The following ESRRG variants were observed in gnomAD, a reference collection of about 807,000 sequenced individuals.
ESRRG encodes the protein estrogen related receptor gamma.
Under a neutral mutation model 44.0 loss-of-function variants are expected in ESRRG, and 13 were observed. The observed-to-expected ratio is 0.30, with a 90% CI of 0.19 to 0.47. The LOEUF (loss-of-function observed/expected upper bound fraction) is 0.47. ESRRG is among the 20% of genes least tolerant of loss of function. The probability of loss-of-function intolerance (pLI) is 1.00; values close to 1 mark genes in which losing one functional copy is unlikely to be tolerated. For missense variants in ESRRG, 395 were observed against 580.6 expected (o/e 0.68, Z 3.29); for synonymous variants, 215 against 214.6 (o/e 1.00, Z -0.02).
At chr1:216,642,778 T>A (rs17671558) in intron 3 of ESRRG, among the ~76,000 whole-genome samples, 1 of 152,176 alleles carries the variant, frequency 6.6e-6, no homozygotes, top group Admixed American at 6.5e-5. Context: ...CTTGGCAGCA[T>A]AATGATACTA....
At chr1:217,104,561 T>C (rs2092563305) in intron 1 of ESRRG, among the ~76,000 whole-genome samples, 1 of 152,020 alleles carries the variant, frequency 6.6e-6, no homozygotes. Context: ...TGAAATCAAG[T>C]GAGTGAGAGC....
chr1:217,111,445 G>T (rs1456990482), intron 1 of ESRRG, among the ~76,000 whole-genome samples: 2 of 152,078 alleles, frequency 1.3e-5, no homozygotes, highest in African/African-American at 4.8e-5. Context: ...TTAACAAATG[G>T]GCCATTCTGA....
At chr1:216,707,022 A>G (rs1400478582) in intron 1 of ESRRG, among the ~76,000 whole-genome samples, 2 of 152,220 alleles carry the variant, frequency 1.3e-5, no homozygotes, top group Admixed American at 1.3e-4. Context: ...ATGCTGGACA[A>G]AGACAATAGC....
chr1:216,820,561 C>A (rs2095264346), intron 2 of ESRRG, among the ~76,000 whole-genome samples: 2 of 152,102 alleles, frequency 1.3e-5, no homozygotes, highest in South Asian at 4.1e-4. Flanking sequence ...CGACTCTAGG[C>A]ACTCATTCAA....
intron 1 of ESRRG, among the ~76,000 whole-genome samples, chr1:217,110,055 A>G (rs913623226): frequency 6.6e-6 from 1 of 152,120 alleles, no homozygotes; most frequent in Non-Finnish European, 1.5e-5. Context: ...CCTAAAGTCC[A>G]TGTGTCAGCC....
Position 216,832,452 on chromosome 1 carries a change from G to A in ESRRG, c.-14+107130C>T, listed in dbSNP as rs1025916261. Among the ~76,000 whole-genome samples the A allele has an allele frequency of 6.6e-5, 10 of 152,272 alleles. No individual in the cohort carries two copies. The East Asian group carries it at 1.9e-3, about 30-fold the overall frequency. On this transcript the variant is annotated intron_variant, in intron 2 of 7. Transcript: ENST00000359162. Reference sequence around the variant, plus strand: ...CTAGAGACAAGTCACCTGCTGAAATGTCATCCTGCTTCAGGGTCATGTTGT... The same window carrying A: ...CTAGAGACAAGTCACCTGCTGAAATATCATCCTGCTTCAGGGTCATGTTGT...
chr1:216,822,083 G>T (rs997018783), intron 2 of ESRRG, among the ~76,000 whole-genome samples: 7 of 152,016 alleles, frequency 4.6e-5, no homozygotes, highest in African/African-American at 1.7e-4. Flanking sequence ...ATCTCAGATT[G>T]GGACCTTCTA....
rs184701506 is a variant in ESRRG at position 216,964,582 on chromosome 1, A to G, written c.-105-24909T>C. Among the ~76,000 whole-genome samples, 29 of 152,286 alleles carry G rather than the reference A, an allele frequency of 1.9e-4. 2 individuals are homozygous for G. The highest frequency in any genetic ancestry group is 6.3e-4 in the African/African-American group (26 of 41,564). ...GAGTGTATAGAGGGGTAAGGGTGGCAGCTGACACTGAGCGTGAATCTGTAT... is the reference window on the plus strand; with the variant it reads ...GAGTGTATAGAGGGGTAAGGGTGGCGGCTGACACTGAGCGTGAATCTGTAT... On this transcript the variant is annotated intron_variant, in intron 1 of 7. Coordinates refer to the ESRRG transcript ENST00000359162.
At chr1:216,941,262 C>G (rs576299086) in intron 1 of ESRRG, among the ~76,000 whole-genome samples, 1 of 152,064 alleles carries the variant, frequency 6.6e-6, no homozygotes, top group Admixed American at 6.6e-5. Context: ...TAGGTTGTTG[C>G]TTTTTTAAAA....
At chr1:216,694,393 G>A (rs1228519212) in intron 1 of ESRRG, among the ~76,000 whole-genome samples, 1 of 152,028 alleles carries the variant, frequency 6.6e-6, no homozygotes, top group Non-Finnish European at 1.5e-5. Flanking sequence ...GGGTTCAGAA[G>A]TCCATTGGGG....
intron 1 of ESRRG, among the ~76,000 whole-genome samples, chr1:216,980,204 G>A (rs1479581800): frequency 2.0e-5 from 3 of 152,060 alleles, no homozygotes; most frequent in Non-Finnish European, 2.9e-5. Flanking sequence ...TTGCACCACT[G>A]TGCACAGAAT....
chr1:216,806,516 T>C (rs1212734489), intron 2 of ESRRG, among the ~76,000 whole-genome samples: 1 of 152,186 alleles, frequency 6.6e-6, no homozygotes, highest in African/African-American at 2.4e-5. Context: ...TACATTTCTT[T>C]GTGCTTATCA....
At chr1:216,904,928 T>C (rs1329549031) in intron 2 of ESRRG, among the ~76,000 whole-genome samples, 4 of 152,156 alleles carry the variant, frequency 2.6e-5, no homozygotes, top group Admixed American at 2.0e-4. Flanking sequence ...AAAATGAGAT[T>C]AAGGGCCCAG....
intron 1 of ESRRG, among the ~76,000 whole-genome samples, chr1:216,976,128 T>C (rs1281531741): frequency 2.6e-5 from 4 of 152,110 alleles, no homozygotes; most frequent in African/African-American, 4.8e-5. Flanking sequence ...AAATTCTTAG[T>C]AGAGTCCTAC....
intron 5 of ESRRG, among the ~76,000 whole-genome samples, chr1:216,531,049 G>A (rs556093825): frequency 9.9e-5 from 15 of 152,046 alleles, no homozygotes; most frequent in Non-Finnish European, 1.3e-4. Context: ...CAAAACAGGA[G>A]GTCTTCTGCA....
At chr1:216,804,197 T>A (rs2094712718) in intron 2 of ESRRG, among the ~76,000 whole-genome samples, 1 of 152,190 alleles carries the variant, frequency 6.6e-6, no homozygotes, top group African/African-American at 2.4e-5. Flanking sequence ...GTTTCTCAAC[T>A]CTGTTTAGGT....
intron 2 of ESRRG, among the ~76,000 whole-genome samples, chr1:216,867,338 A>G (rs1392764907): frequency 6.6e-6 from 1 of 152,204 alleles, no homozygotes; most frequent in African/African-American, 2.4e-5. Context: ...TTACACAGCC[A>G]AATTCTCAGC....
At chr1:216,677,002 T>A (rs1255496581) in intron 2 of ESRRG, 74 bp downstream of exon 2, 37 of 1,087,074 alleles carry the variant, frequency 3.4e-5, no homozygotes, top group African/African-American at 6.3e-5. Context: ...CTTATGAGAA[T>A]AAGAATAAGG....
At chr1:216,884,627 T>G (rs2096491935) in intron 2 of ESRRG, among the ~76,000 whole-genome samples, 1 of 152,166 alleles carries the variant, frequency 6.6e-6, no homozygotes, top group African/African-American at 2.4e-5. Context: ...AGCAGTCTTC[T>G]CAGTTTCCTC....
Sources: allele counts gnomAD v4.1 joint callset (sites outside exome capture counted in the v4.1 genomes callset), GRCh38; gene constraint gnomAD v4.1.1; transcripts MANE v1.5; gene names NCBI Gene and HGNC (gene_info 2026-07-23, HGNC 2026-07-21).